Variants in GABBR2 observed in about 807,000 individuals in gnomAD.
GABBR2 encodes the protein gamma-aminobutyric acid type B receptor subunit 2.
Under a neutral mutation model 105.6 loss-of-function variants are expected in GABBR2, and 23 were observed. The observed-to-expected ratio is 0.22, with a 90% CI of 0.16 to 0.31. The LOEUF (loss-of-function observed/expected upper bound fraction) is 0.31. GABBR2 is among the 10% of genes least tolerant of loss of function. GABBR2 has a pLI of 1.00. For missense variants in GABBR2, 734 were observed against 1,245.5 expected (o/e 0.59, Z 6.18); for synonymous variants, 478 against 499.7 (o/e 0.96, Z 0.58).
At chr9:98,511,054 C>T (rs866740875) in intron 3 of GABBR2, among the ~76,000 whole-genome samples, 1 of 152,094 alleles carries the variant, frequency 6.6e-6, no homozygotes, top group African/African-American at 2.4e-5. Context: ...TAACAAACTG[C>T]CTCTCAGACC....
chr9:98,394,128 G>A (rs759158128), intron 9 of GABBR2, 47 bp downstream of exon 9: 1 of 1,349,090 alleles, frequency 7.4e-7, no homozygotes, highest in South Asian at 1.2e-5. Context: ...TCCAGGCTTG[G>A]GAGCAACTGG....
At chr9:98,430,511 G>C (rs941545175) in intron 7 of GABBR2, among the ~76,000 whole-genome samples, 11 of 152,042 alleles carry the variant, frequency 7.2e-5, no homozygotes, top group Admixed American at 6.6e-4. Flanking sequence ...CCCACCCAAC[G>C]TGGTGGGAAC....
chr9:98,361,087 C>G (rs1174955598), intron 13 of GABBR2, among the ~76,000 whole-genome samples: 1 of 152,162 alleles, frequency 6.6e-6, no homozygotes, highest in African/African-American at 2.4e-5. Flanking sequence ...AGAACATTTC[C>G]CTGCCCTACT....
At chr9:98,557,486 A>G (rs1023200306) in intron 2 of GABBR2, among the ~76,000 whole-genome samples, 1 of 152,208 alleles carries the variant, frequency 6.6e-6, no homozygotes, top group African/African-American at 2.4e-5. Flanking sequence ...GATACGGTCA[A>G]TATGAAGAAG....
chr9:98,381,008 A>G (rs990772807), intron 11 of GABBR2, among the ~76,000 whole-genome samples: 5 of 152,244 alleles, frequency 3.3e-5, no homozygotes, highest in Non-Finnish European at 7.3e-5. Context: ...ACCTGGTCTC[A>G]TGGTCTACCT....
chr9:98,316,315 C>A (rs1219318233), intron 13 of GABBR2, among the ~76,000 whole-genome samples: 1 of 152,164 alleles, frequency 6.6e-6, no homozygotes, highest in Non-Finnish European at 1.5e-5. Flanking sequence ...CCACGCCCAG[C>A]TAATTTTTGT....
At chr9:98,461,049 A>C (rs1411374556) in intron 6 of GABBR2, among the ~76,000 whole-genome samples, 1 of 152,204 alleles carries the variant, frequency 6.6e-6, no homozygotes, top group Non-Finnish European at 1.5e-5. Flanking sequence ...TAGTCAATAC[A>C]TCTCTCAATA....
intron 1 of GABBR2, among the ~76,000 whole-genome samples, chr9:98,625,466 G>A (rs1829725458): frequency 6.6e-6 from 1 of 152,244 alleles, no homozygotes. Context: ...CAGAGAGAAT[G>A]AGAACTTGGG....
chr9:98,436,408 G>T (rs7045592), intron 7 of GABBR2, among the ~76,000 whole-genome samples: 6,743 of 39,762 alleles, frequency 0.17, 872 homozygotes, highest in East Asian at 0.5. Flanking sequence ...TATATATATA[G>T]TATGGCGTTC....
chr9:98,304,322 G>A (rs1001271276), intron 15 of GABBR2: 3 of 152,610 alleles, frequency 2.0e-5, no homozygotes, highest in Non-Finnish European at 2.9e-5. Context: ...GGCAGGCTGG[G>A]TGGTGGACAG....
At chr9:98,371,102 T>A (rs1455983119) in intron 12 of GABBR2, among the ~76,000 whole-genome samples, 1 of 151,912 alleles carries the variant, frequency 6.6e-6, no homozygotes, top group Non-Finnish European at 1.5e-5. Context: ...CCTCCTCCCA[T>A]CCCCAGGCTG....
intron 1 of GABBR2, among the ~76,000 whole-genome samples, chr9:98,659,074 C>T (rs1021414273): frequency 6.6e-6 from 1 of 152,184 alleles, no homozygotes; most frequent in African/African-American, 2.4e-5. Context: ...AACTATTATA[C>T]GTCTTGAGGC....
At chr9:98,690,140 A>C (rs1190049965) in intron 1 of GABBR2, among the ~76,000 whole-genome samples, 1 of 151,616 alleles carries the variant, frequency 6.6e-6, no homozygotes, top group African/African-American at 2.4e-5. Context: ...CAGCAATCCC[A>C]GATATGCCTT....
intron 13 of GABBR2, among the ~76,000 whole-genome samples, chr9:98,325,140 G>A (rs1289058210): frequency 6.6e-6 from 1 of 152,028 alleles, no homozygotes; most frequent in Non-Finnish European, 1.5e-5. Flanking sequence ...TCCTAAGGAA[G>A]CCCAGTTCAT....
chr9:98,445,628 T>C (rs775777978), intron 7 of GABBR2, among the ~76,000 whole-genome samples: 2 of 152,178 alleles, frequency 1.3e-5, no homozygotes, highest in African/African-American at 2.4e-5. Context: ...CCTGTTCTGG[T>C]TGGAAGCCCT....
At chr9:98,481,020 T>C in intron 4 of GABBR2, 23 bp from the exon 5 acceptor site, 2 of 1,491,502 alleles carry the variant, frequency 1.3e-6, no homozygotes, top group Non-Finnish European at 1.9e-6. Context: ...GGACACATCA[T>C]GAAGGTGAGT....
chr9:98,296,427 CAG>C lies in GABBR2; in HGVS notation c.2543-2527_2543-2526del, dbSNP rs146833359. On this transcript the variant is annotated intron_variant, in intron 17 of 18. Coordinates refer to ENST00000259455, the MANE Select transcript of GABBR2 (RefSeq NM_005458.8). The stretch of plus-strand genomic sequence containing the variant: ...CAGTATTGTGTTACAGCAGCACAAA[CAG>C]ACTAAGGCATGGAGAACAAATCCCA... 6.0e-3 allele frequency among the ~76,000 whole-genome samples: 908 copies of C among 152,298 alleles called. 8 individuals carry two copies. Among genetic ancestry groups the C allele is most frequent in the African/African-American group, 0.02 (839 of 41,564 alleles).
intron 5 of GABBR2, among the ~76,000 whole-genome samples, chr9:98,475,660 C>T (rs932512885): frequency 2.0e-5 from 3 of 152,188 alleles, no homozygotes; most frequent in Non-Finnish European, 4.4e-5. Context: ...GACTCAAAGT[C>T]CATTCTTGAA....
At chr9:98,302,446 A>C (rs7865635) in intron 16 of GABBR2, among the ~76,000 whole-genome samples, 11,974 of 152,176 alleles carry the variant, frequency 0.079, 1,607 homozygotes, top group African/African-American at 0.27. Flanking sequence ...AGCTGCCCCA[A>C]CCGGGCCCTC....
Sources: gnomAD v4.1 joint callset for allele counts (sites outside exome capture counted in the v4.1 genomes callset) on GRCh38, gnomAD v4.1.1 for gene constraint, MANE v1.5 for transcripts, NCBI Gene and HGNC (gene_info 2026-07-23, HGNC 2026-07-21) for gene names.